The following EPHA6 variants were observed in gnomAD, a reference collection of about 807,000 sequenced individuals.
EPHA6 encodes the protein ephrin type-A receptor 6.
Under a neutral mutation model 112.0 loss-of-function variants are expected in EPHA6, and 50 were observed. The ratio of observed to expected loss-of-function variants is 0.45; its 90% CI spans 0.36 to 0.56. The LOEUF is 0.56. EPHA6 is among the 20% of genes least tolerant of loss of function. The pLI is 0.00. For synonymous variants in EPHA6, 529 were observed against 490.7 expected, an observed-to-expected ratio of 1.08 and a Z score of -1.03; for missense variants, 1,280 against 1,417.4, an observed-to-expected ratio of 0.90 and a Z score of 1.56.
intron 5 of EPHA6, among the ~76,000 whole-genome samples, chr3:97,377,111 T>G (rs2085411753): frequency 6.6e-6 from 1 of 152,186 alleles, no homozygotes; most frequent in African/African-American, 2.4e-5. Flanking sequence ...ATGTGACTGA[T>G]ATGGTTTCAC....
chr3:97,014,885 C>A (rs1178602901), intron 3 of EPHA6, among the ~76,000 whole-genome samples: 1 of 152,086 alleles, frequency 6.6e-6, no homozygotes, highest in Admixed American at 6.6e-5. Context: ...GAAAAAATGT[C>A]TTAAATTTGC....
intron 2 of EPHA6, among the ~76,000 whole-genome samples, chr3:96,963,853 A>G (rs2042030965): frequency 6.6e-6 from 1 of 152,208 alleles, no homozygotes; most frequent in Admixed American, 6.5e-5. Context: ...CAAAGATGCT[A>G]TAAACCTATT....
chr3:97,737,552 T>C (rs1044856324), intron 16 of EPHA6, among the ~76,000 whole-genome samples: 2 of 152,022 alleles, frequency 1.3e-5, no homozygotes, highest in Admixed American at 1.3e-4. Context: ...AAGATGTTTG[T>C]CAAGTTTCTT....
Position 97,509,761 on chromosome 3 carries a change from G to C in EPHA6, c.2201-22597G>C, listed in dbSNP as rs142364025. 1.7e-3 allele frequency among the ~76,000 whole-genome samples: 265 copies of C among 152,178 alleles called. 1 individual carries two copies. The highest frequency in any genetic ancestry group is 6.2e-3 in the African/African-American group (257 of 41,520). ...TTATTAGGTTGGGGAAGTTCTCCTG[G>C]ATAATATCCTGAAGAGTGTTTTCAA... is the stretch of plus-strand genomic sequence containing the variant. On this transcript the variant is annotated intron_variant, in intron 10 of 17. Coordinates refer to ENST00000389672, the MANE Select transcript of EPHA6 (RefSeq NM_001080448.3).
At chr3:97,411,195 TC>T (rs1026882874) in intron 6 of EPHA6, among the ~76,000 whole-genome samples, 1 of 151,982 alleles carries the variant, frequency 6.6e-6, no homozygotes, top group Non-Finnish European at 1.5e-5. Context: ...AGGTTTTATA[TC>T]CAATTTCCAT....
chr3:97,713,310 G>A (rs1209675892), intron 14 of EPHA6, among the ~76,000 whole-genome samples: 1 of 152,090 alleles, frequency 6.6e-6, no homozygotes, highest in African/African-American at 2.4e-5. Flanking sequence ...TAGTTGGTGA[G>A]CTCTGGGTTC....
chr3:97,564,660 A>G (rs2093237053), intron 11 of EPHA6, among the ~76,000 whole-genome samples: 1 of 152,214 alleles, frequency 6.6e-6, no homozygotes, highest in African/African-American at 2.4e-5. Context: ...TAAAAGGTAA[A>G]CAACATATAC....
Position 97,747,480 on chromosome 3 carries a change from C to T in EPHA6, c.3186C>T (p.Asp1062=), listed in dbSNP as rs2035766992. ...ATCCTTTGTTTGTCACAGTTGGTGA[C>T]TGGCTAGATTCTATAAAGATGGGGC... The part of the protein sequence containing the change: ...PEYPLFVTVG[D]WLDSIKMGQY... The change falls in exon 17 of 18, where the codon GAC becomes GAT. Residue 1062 remains aspartate (D), a synonymous_variant. Coordinates refer to ENST00000389672, the MANE Select transcript of EPHA6 (RefSeq NM_001080448.3). 2 of 1,606,606 alleles carry T rather than the reference C, an allele frequency of 1.2e-6. No individual in the cohort carries two copies. The highest frequency in any genetic ancestry group is 2.2e-5 in the South Asian group (2 of 89,558).
chr3:96,852,333 G>A lies in EPHA6; in HGVS notation c.386-14492G>A, dbSNP rs776714016. ...ACATGGTAAAACCCCAGAGGCTGAG[G>A]CATGAGAATAACTTGAGCCCAGAAG... On this transcript the variant is annotated intron_variant, in intron 1 of 17. Coordinates refer to ENST00000389672, the MANE Select transcript of EPHA6 (RefSeq NM_001080448.3). Among the ~76,000 whole-genome samples the A allele has an allele frequency of 1.1e-4, 17 of 152,022 alleles. No individual in the cohort carries two copies. In the East Asian group the frequency reaches 3.3e-3, roughly 30 times the overall value.
chr3:96,964,933 T>C (rs1306555183), intron 2 of EPHA6, among the ~76,000 whole-genome samples: 1 of 152,088 alleles, frequency 6.6e-6, no homozygotes, highest in East Asian at 1.9e-4. Context: ...AATGAACAAT[T>C]CACGAATCGG....
intron 14 of EPHA6, among the ~76,000 whole-genome samples, chr3:97,645,608 A>G (rs1324547117): frequency 6.6e-6 from 1 of 151,702 alleles, no homozygotes; most frequent in African/African-American, 2.4e-5. Flanking sequence ...TGGCACATGT[A>G]TACATATGTA....
chr3:97,537,877 C>A (rs1211577001), intron 11 of EPHA6, among the ~76,000 whole-genome samples: 3 of 152,146 alleles, frequency 2.0e-5, no homozygotes, highest in Non-Finnish European at 2.9e-5. Context: ...CAGCACCTGG[C>A]CTCTAGTCAC....
At chr3:97,649,295 G>T (rs1332020527) in intron 14 of EPHA6, among the ~76,000 whole-genome samples, 1 of 151,990 alleles carries the variant, frequency 6.6e-6, no homozygotes, top group Non-Finnish European at 1.5e-5. Context: ...CCTTGTGATG[G>T]TCACTACCAC....
In EPHA6 at chr3:97,395,822, G is replaced by C. The variant is rs534261001; in HGVS notation, c.1607-9328G>C. Among the ~76,000 whole-genome samples the C allele has an allele frequency of 7.9e-5, 12 of 151,632 alleles. No individual in the cohort carries two copies. The South Asian group carries it at 2.5e-3, about 32-fold the overall frequency. ...TTAAAAAGTAAATGAAGAAAGAAAA[G>C]AGTAAAGAAGGAAGGCAGGGGCATC... On this transcript the variant is annotated intron_variant, in intron 5 of 17. Coordinates refer to ENST00000389672, the MANE Select transcript of EPHA6 (RefSeq NM_001080448.3).
At chr3:97,441,878 A>G (rs1369757902) in intron 6 of EPHA6, among the ~76,000 whole-genome samples, 1 of 152,112 alleles carries the variant, frequency 6.6e-6, no homozygotes, top group African/African-American at 2.4e-5. Context: ...TAACTAACAG[A>G]GAGAAAATGA....
chr3:96,936,027 A>G (rs924486224), intron 2 of EPHA6, among the ~76,000 whole-genome samples: 2 of 151,974 alleles, frequency 1.3e-5, no homozygotes, highest in African/African-American at 4.8e-5. Context: ...TATTTTCAAC[A>G]CTGCTAAAAG....
At chr3:96,897,321 A>T (rs1019399102) in intron 2 of EPHA6, among the ~76,000 whole-genome samples, 4 of 152,138 alleles carry the variant, frequency 2.6e-5, no homozygotes, top group African/African-American at 7.2e-5. Context: ...TTCTTATGAC[A>T]AGTATAACCC....
chr3:97,276,156 G>A (rs1288132561), intron 5 of EPHA6, among the ~76,000 whole-genome samples: 5 of 152,020 alleles, frequency 3.3e-5, no homozygotes, highest in African/African-American at 4.8e-5. Flanking sequence ...AGAAGGTGAC[G>A]GACTTACCCT....
At chr3:97,102,974 A>G (rs2047449145) in intron 3 of EPHA6, among the ~76,000 whole-genome samples, 1 of 151,892 alleles carries the variant, frequency 6.6e-6, no homozygotes. Context: ...AATTTTTAAT[A>G]GGATCTTTTT....
Sources: allele counts gnomAD v4.1 joint callset (sites outside exome capture counted in the v4.1 genomes callset), GRCh38; gene constraint gnomAD v4.1.1; transcripts MANE v1.5; gene names NCBI Gene and HGNC (gene_info 2026-07-23, HGNC 2026-07-21).